Variants in C10orf90 observed in about 807,000 individuals in gnomAD.
C10orf90 encodes (E2-independent) E3 ubiquitin-conjugating enzyme FATS.
In C10orf90, 56 loss-of-function variants were observed where a neutral mutation model predicts 62.5. The observed-to-expected ratio is 0.90, with a 90% CI of 0.72 to 1.12. The LOEUF is 1.12. Ranked by LOEUF, C10orf90 falls within the 50% of genes most tolerant of loss-of-function variation. The pLI is 0.00. For synonymous variants in C10orf90, 386 were observed against 340.4 expected (o/e 1.13, Z -1.47); for missense variants, 970 against 880.4 (o/e 1.10, Z -1.29).
chr10:126,448,853 C>A (rs994996932), intron 7 of C10orf90, among the ~76,000 whole-genome samples: 4 of 152,138 alleles, frequency 2.6e-5, no homozygotes, highest in African/African-American at 9.7e-5. Context: ...AAAATCCTAA[C>A]AGAGTCACAG....
intron 2 of C10orf90, among the ~76,000 whole-genome samples, chr10:126,519,845 C>A (rs1564852883): frequency 6.6e-6 from 1 of 152,048 alleles, no homozygotes; most frequent in Non-Finnish European, 1.5e-5. Context: ...GCCTTTGTGC[C>A]CTCTTCCCAA....
At position 126,425,862 on chromosome 10, in the gene C10orf90, G is replaced by A. The variant is rs779291978; in HGVS notation, c.*2C>T. Reference sequence around the variant, plus strand: ...TAGTGTGGTCAGCAGGGCAGCCTGTGGTTAGACCGCATTCCTTTGAAGGAG... The same window carrying A: ...TAGTGTGGTCAGCAGGGCAGCCTGTAGTTAGACCGCATTCCTTTGAAGGAG... On this transcript the variant is annotated 3_prime_UTR_variant, in exon 10 of 10. Transcript: ENST00000488181. The A allele has an allele frequency of 5.6e-5, 91 of 1,613,912 alleles. No individual in the cohort carries two copies. Among genetic ancestry groups the A allele is most frequent in the Non-Finnish European group, 7.4e-5 (87 of 1,179,998 alleles).
At chr10:126,668,178 T>A (rs78633696) in intron 1 of C10orf90, among the ~76,000 whole-genome samples, 13,669 of 152,206 alleles carry the variant, frequency 0.09, 693 homozygotes, top group South Asian at 0.16. Context: ...TGGGAAGAAC[T>A]TGAAATCCAT....
At chr10:126,490,219 C>T (rs1861693469) in intron 4 of C10orf90, among the ~76,000 whole-genome samples, 1 of 145,354 alleles carries the variant, frequency 6.9e-6, no homozygotes, top group African/African-American at 2.5e-5. Flanking sequence ...AATTCTAACG[C>T]ATGCAACGGC....
At chr10:126,608,317 G>A (rs1402360204) in intron 2 of C10orf90, among the ~76,000 whole-genome samples, 1 of 152,046 alleles carries the variant, frequency 6.6e-6, no homozygotes, top group African/African-American at 2.4e-5. Flanking sequence ...TCACTATGTT[G>A]CCCAGGCTGG....
chr10:126,644,697 G>A (rs1174265566), intron 2 of C10orf90, among the ~76,000 whole-genome samples: 3 of 152,194 alleles, frequency 2.0e-5, no homozygotes, highest in Admixed American at 2.0e-4. Context: ...CTCTCCAGTA[G>A]GCATCCACTG....
chr10:126,663,417 C>T (rs147428814), intron 1 of C10orf90, among the ~76,000 whole-genome samples: 11 of 152,296 alleles, frequency 7.2e-5, no homozygotes, highest in African/African-American at 2.6e-4. Context: ...TCCGCCGCTC[C>T]TAACTGTGTC....
chr10:126,609,507 T>C (rs1019724155), intron 2 of C10orf90, among the ~76,000 whole-genome samples: 1 of 152,202 alleles, frequency 6.6e-6, no homozygotes, highest in Non-Finnish European at 1.5e-5. Context: ...GTTTGTTGAG[T>C]ATCTAATTGC....
chr10:126,649,079 C>CAA (rs1395753559), intron 1 of C10orf90, among the ~76,000 whole-genome samples: 1 of 108,722 alleles, frequency 9.2e-6, no homozygotes, highest in Non-Finnish European at 1.9e-5. Context: ...TCTCCCCCCC[C>CAA]CCCAGCAATT....
At chr10:126,577,021 T>C (rs1234028790) in intron 2 of C10orf90, among the ~76,000 whole-genome samples, 1 of 151,500 alleles carries the variant, frequency 6.6e-6, no homozygotes, top group Non-Finnish European at 1.5e-5. Flanking sequence ...GAGAAGGAGA[T>C]ATTTGTTAAA....
chr10:126,461,693 G>A, intron 5 of C10orf90, 108 bp from the exon 6 acceptor site: 1 of 1,138,562 alleles, frequency 8.8e-7, no homozygotes, highest in Non-Finnish European at 1.2e-6. Flanking sequence ...AAACGCCAGT[G>A]GACTATTAAT....
intron 2 of C10orf90, among the ~76,000 whole-genome samples, chr10:126,576,583 G>A (rs1055585037): frequency 4.0e-5 from 6 of 151,320 alleles, no homozygotes; most frequent in South Asian, 2.1e-4. Context: ...TTATCCAAAG[G>A]AAAGGAAAAC....
At chr10:126,607,734 C>A (rs1401569329) in intron 2 of C10orf90, among the ~76,000 whole-genome samples, 1 of 152,066 alleles carries the variant, frequency 6.6e-6, no homozygotes, top group Non-Finnish European at 1.5e-5. Flanking sequence ...GTTATAAAAT[C>A]ATACATGGAT....
At chr10:126,445,542 A>G (rs1351017024) in intron 7 of C10orf90, among the ~76,000 whole-genome samples, 2 of 152,256 alleles carry the variant, frequency 1.3e-5, no homozygotes, top group Admixed American at 1.3e-4. Flanking sequence ...GCAGTGATCA[A>G]GGAACACTTC....
intron 4 of C10orf90, among the ~76,000 whole-genome samples, chr10:126,466,879 A>G (rs1860317560): frequency 6.6e-6 from 1 of 152,224 alleles, no homozygotes; most frequent in African/African-American, 2.4e-5. Context: ...TACAGAAAAT[A>G]TGTTTCCAAA....
chr10:126,430,513 AAAAC>A (rs1857508441), intron 7 of C10orf90, among the ~76,000 whole-genome samples: 1 of 152,246 alleles, frequency 6.6e-6, no homozygotes, highest in African/African-American at 2.4e-5. Flanking sequence ...TGTGTTAAAA[AAAAC>A]AGTGTATATC....
Position 126,453,205 on chromosome 10 carries a change from G to A in C10orf90, c.2188+5835C>T, listed in dbSNP as rs1239374400. Among the ~76,000 whole-genome samples, 12 of 152,186 alleles carry A rather than the reference G, an allele frequency of 7.9e-5. No homozygotes were observed. On this transcript the variant is annotated intron_variant, in intron 7 of 9. Transcript: ENST00000488181. This position sits in a 1 kb window ranked among gnomAD's most constrained non-coding sequence, Gnocchi z 4.9. The stretch of plus-strand genomic sequence containing the variant: ...AATGGCTCTGACTTGGCTCACCTTG[G>A]GAAGTGCGGATAATGCAATTTGGAT...
At chr10:126,600,733 T>C (rs1298215980) in intron 2 of C10orf90, among the ~76,000 whole-genome samples, 1 of 152,116 alleles carries the variant, frequency 6.6e-6, no homozygotes, top group Admixed American at 6.6e-5. Flanking sequence ...CTTAGGCGTG[T>C]GTGTGTGTGC....
chr10:126,505,706 G>A (rs141438006), intron 3 of C10orf90, among the ~76,000 whole-genome samples: 5 of 152,290 alleles, frequency 3.3e-5, no homozygotes, highest in Admixed American at 1.3e-4. Context: ...TGTAATCCCA[G>A]CACTTTGGGA....
Sources: gnomAD v4.1 joint callset for allele counts (sites outside exome capture counted in the v4.1 genomes callset) on GRCh38, gnomAD v4.1.1 for gene constraint, Gnocchi (gnomAD v3.1) non-coding constraint, MANE v1.5 for transcripts, NCBI Gene and HGNC (gene_info 2026-07-23, HGNC 2026-07-21) for gene names.